Variants in SCYL1 observed in about 807,000 individuals in gnomAD.
SCYL1 encodes SCY1 like pseudokinase 1.
A neutral mutation model predicts 94.8 loss-of-function variants in SCYL1; 85 were observed. The ratio of observed to expected loss-of-function variants is 0.90; its 90% CI spans 0.75 to 1.07. The LOEUF (loss-of-function observed/expected upper bound fraction) is 1.07, where lower values mean the gene tolerates loss of function less well. Among genes scored for constraint, SCYL1 ranks in the 50% least tolerant of loss-of-function variants. SCYL1 has a pLI of 0.00. For missense variants in SCYL1, 968 were observed against 1,083.3 expected (o/e 0.89, Z 1.49); for synonymous variants, 459 against 435.5 (o/e 1.05, Z -0.67).
At position 65,526,892 on chromosome 11, in the gene SCYL1, G is replaced by A. The variant is rs932721879; in HGVS notation, c.693+19G>A. On this transcript the variant is annotated intron_variant, in intron 5 of 17. Coordinates refer to ENST00000270176, the MANE Select transcript of SCYL1 (RefSeq NM_020680.4). The surrounding 1 kb of genome is among the most constrained non-coding windows in gnomAD (Gnocchi z 4.1). Reference sequence around the variant, plus strand: ...TGGGAAGGTAAGTTTCTTGCCCCTGGCTCTTTGCCCTGCCTCAGCCCCTCT... The same window carrying A: ...TGGGAAGGTAAGTTTCTTGCCCCTGACTCTTTGCCCTGCCTCAGCCCCTCT... 6.2e-7 allele frequency: 1 copy of A among 1,612,732 alleles called. No homozygotes were observed. Among genetic ancestry groups the A allele is most frequent in the South Asian group, 1.1e-5 (1 of 91,060 alleles).
Position 65,535,924 on chromosome 11 carries a change from CAGG to C in SCYL1, c.1387-26_1387-24del, listed in dbSNP as rs761120112. On this transcript the variant is annotated intron_variant, in intron 10 of 17. Coordinates refer to ENST00000270176, the MANE Select transcript of SCYL1 (RefSeq NM_020680.4). ...TGGGTCCCAACATTGACCCTACACT[CAGG>C]AGCCCTCTTTCCTGCCCCATCGTAG... 12 of 1,542,274 alleles carry C rather than the reference CAGG, an allele frequency of 7.8e-6. No individual in the cohort carries two copies. The African/African-American group carries it at 1.6e-4, about 21-fold the overall frequency.
chr11:65,534,090 G>C (rs759687790), intron 9 of SCYL1, among the ~76,000 whole-genome samples: 7 of 152,092 alleles, frequency 4.6e-5, no homozygotes, highest in Non-Finnish European at 8.8e-5. Flanking sequence ...ATCTAGCCGG[G>C]CATGGTGGTG....
At chr11:65,531,407 G>A (rs562228011) in intron 7 of SCYL1, among the ~76,000 whole-genome samples, 169 bp from the exon 8 acceptor site, 1 of 152,222 alleles carries the variant, frequency 6.6e-6, no homozygotes, top group Admixed American at 6.5e-5. Context: ...AAAGGTTAAG[G>A]GCAAGGCTGA....
In SCYL1 at chr11:65,536,258, G is replaced by C; in HGVS notation, c.1576-1G>C. Reference sequence around the variant, plus strand: ...CCCAGCTCTGCCTCGTTACCCCACAGGCCTTCAAGGCCATTCGGAGCTTCC... The same window carrying C: ...CCCAGCTCTGCCTCGTTACCCCACACGCCTTCAAGGCCATTCGGAGCTTCC... On this transcript the variant is annotated splice_acceptor_variant, in intron 11 of 17. Coordinates refer to ENST00000270176, the MANE Select transcript of SCYL1 (RefSeq NM_020680.4). LOFTEE classifies it high-confidence loss of function. 1 of 1,613,838 alleles carries C rather than the reference G, an allele frequency of 6.2e-7. No homozygotes were observed. The highest frequency in any genetic ancestry group is 2.2e-5 in the East Asian group (1 of 44,868).
chr11:65,538,693 T>TTCTA lies in SCYL1; in HGVS notation c.*129_*132dup. 5 of 1,244,804 alleles carry TTCTA rather than the reference T, an allele frequency of 4.0e-6. No homozygotes were observed. Among genetic ancestry groups the TTCTA allele is most frequent in the Non-Finnish European group, 5.4e-6 (5 of 919,426 alleles). The allele number at this position is 1,244,804 out of a possible 1,614,324, so 77.1% of individuals were successfully genotyped here. A position where few individuals can be genotyped will look rare whatever the true frequency, so the allele number is the denominator to read the frequency against. ...TGTACATAATCAGAGCCACAATAAATTCTATTTCACACCCCTTGTGCCGGG... is the reference window on the plus strand; with the variant it reads ...TGTACATAATCAGAGCCACAATAAATTCTATCTATTTCACACCCCTTGTGCCGGG... On this transcript the variant is annotated 3_prime_UTR_variant, in exon 18 of 18. Coordinates refer to ENST00000270176, the MANE Select transcript of SCYL1 (RefSeq NM_020680.4).
chr11:65,530,579 G>A (rs1204537430), intron 6 of SCYL1, 50 bp from the exon 7 acceptor site: 3 of 1,576,782 alleles, frequency 1.9e-6, no homozygotes, highest in South Asian at 1.2e-5. Context: ...GCTGGGTTTG[G>A]GCTGCAACCA....
rs1444016519 is a variant in SCYL1 at position 65,526,886 on chromosome 11, C to T, written c.693+13C>T. On this transcript the variant is annotated intron_variant, in intron 5 of 17. Transcript: ENST00000270176. The surrounding 1 kb of genome is among the most constrained non-coding windows in gnomAD (Gnocchi z 4.1). ...CAACCCTGGGAAGGTAAGTTTCTTG[C>T]CCCTGGCTCTTTGCCCTGCCTCAGC... 7 of 1,612,792 alleles carry T rather than the reference C, an allele frequency of 4.3e-6. No individual in the cohort carries two copies.
rs1236686839 is a variant in SCYL1, at chr11:65,538,267, C to T, written c.2248-3C>T. On this transcript the variant is annotated splice_region_variant and splice_polypyrimidine_tract_variant and intron_variant, in intron 16 of 17. Coordinates refer to ENST00000270176, the MANE Select transcript of SCYL1 (RefSeq NM_020680.4). The stretch of plus-strand genomic sequence containing the variant: ...CCACTGCAGCCCACACTTCTCTTTA[C>T]AGCCGAGGCCAGACTCTTGGGGTGA... The T allele has an allele frequency of 6.4e-7, 1 of 1,553,272 alleles. No homozygotes were observed. Among genetic ancestry groups the T allele is most frequent in the Non-Finnish European group, 8.7e-7 (1 of 1,147,980 alleles).
intron 14 of SCYL1, 61 bp downstream of exon 14, chr11:65,537,189 C>T (rs1855709741): frequency 2.5e-6 from 4 of 1,589,762 alleles, no homozygotes; most frequent in African/African-American, 2.7e-5. Context: ...GGCTGCCATT[C>T]AGGGAGCTTC....
In SCYL1 at chr11:65,536,327, G is replaced by A. The variant is rs776654782; in HGVS notation, c.1644G>A (p.Glu548=). Residue 548 remains glutamate, a synonymous_variant, in exon 12 of 18, where the codon GAG becomes GAA. Transcript: ENST00000270176. ...TGTCGGAGGACCCGACCCAGCTGGA[G>A]GAAGTGGGTGAGTGGCTTACACTCG... ...ESVSEDPTQL[E]EVEKDVHAAS... 1 of 1,614,168 alleles carries A rather than the reference G, an allele frequency of 6.2e-7. No individual in the cohort carries two copies. The highest frequency in any genetic ancestry group is 1.1e-5 in the South Asian group (1 of 91,088).
chr11:65,532,815 GC>G lies in SCYL1; in HGVS notation c.1230+12del. 6.2e-7 allele frequency: 1 copy of G among 1,607,000 alleles called. No individual in the cohort carries two copies. The highest frequency in any genetic ancestry group is 8.5e-7 in the Non-Finnish European group (1 of 1,173,602). On this transcript the variant is annotated intron_variant, in intron 9 of 17. Coordinates refer to ENST00000270176, the MANE Select transcript of SCYL1 (RefSeq NM_020680.4). The stretch of plus-strand genomic sequence containing the variant: ...GGAGCAGACGGTCAAGGTGGGTGTG[GC>G]CAGGCCCAGAGTGGCTACCCCTGGT...
In SCYL1 at chr11:65,538,001, C is replaced by T. The variant is rs1330803184; in HGVS notation, c.2066C>T (p.Pro689Leu). ...TCCGACCACAAATCCTCCAAATCCCCAGAGTCCGACTGGAGCAGCTGGGAA... is the reference window on the plus strand; with the variant it reads ...TCCGACCACAAATCCTCCAAATCCCTAGAGTCCGACTGGAGCAGCTGGGAA... ...SNSDHKSSKSPESDWSSWEAE... is the reference protein window; with the variant it reads ...SNSDHKSSKSLESDWSSWEAE... Residue 689 changes from proline (P) to leucine (L), a missense_variant, in exon 16 of 18, where the codon CCA becomes CTA. Pro to Leu is a moderately conservative substitution (Grantham distance 98). Transcript: ENST00000270176. The T allele has an allele frequency of 6.2e-7, 1 of 1,612,942 alleles. No homozygotes were observed. The highest frequency in any genetic ancestry group is 1.1e-5 in the South Asian group (1 of 90,854).
rs759727682 is a variant in SCYL1, at chr11:65,538,152, C to G, written c.2217C>G (p.Phe739Leu). 3 of 1,596,402 alleles carry G rather than the reference C, an allele frequency of 1.9e-6. No individual in the cohort carries two copies. Among genetic ancestry groups the G allele is most frequent in the Admixed American group, 3.5e-5 (2 of 57,472 alleles). ...AGTCCAGCGACAAGGGCGACCCCTTCGCTACCCTGTCTGCACGTCCCAGCA... is the reference window on the plus strand; with the variant it reads ...AGTCCAGCGACAAGGGCGACCCCTTGGCTACCCTGTCTGCACGTCCCAGCA... ...GPESSDKGDP[F>L]ATLSARPSTQ... The change falls in exon 16 of 18, where the codon TTC becomes TTG. Residue 739 changes from phenylalanine (F) to leucine (L), a missense_variant. By Grantham distance (22) the Phe-to-Leu change is conservative. Coordinates refer to ENST00000270176, the MANE Select transcript of SCYL1 (RefSeq NM_020680.4).
rs1322849071 is a variant in SCYL1, at chr11:65,537,898, G to A, written c.2031+18G>A. 6.3e-7 allele frequency: 1 copy of A among 1,579,768 alleles called. No homozygotes were observed. Among genetic ancestry groups the A allele is most frequent in the Non-Finnish European group, 8.6e-7 (1 of 1,162,834 alleles). On this transcript the variant is annotated intron_variant, in intron 15 of 17. Transcript: ENST00000270176. ...CTAGTCAGGTGAGCTGGGTCTGGTG[G>A]GGAGGTGTGTGTATGGGGCTCTTTC...
At position 65,526,345 on chromosome 11, in the gene SCYL1, G is replaced by T. The variant is rs1458138115; in HGVS notation, c.597G>T (p.Glu199Asp). 1 of 1,596,882 alleles carries T rather than the reference G, an allele frequency of 6.3e-7. No individual in the cohort carries two copies. The highest frequency in any genetic ancestry group is 1.1e-5 in the South Asian group (1 of 89,714). The change falls in exon 4 of 18, where the codon GAG (glutamate) becomes GAT (aspartate). Residue 199 changes from glutamate to aspartate, a missense_variant. By Grantham distance (45) the Glu-to-Asp change is conservative. Transcript: ENST00000270176. This position sits in a 1 kb window ranked among gnomAD's most constrained non-coding sequence, Gnocchi z 4.1. The part of the protein sequence containing the change: ...LADSSGRVVR[E>D]KWSADMWRLG... ...ACAGCAGTGGCAGAGTGGTCAGAGAGAAGTGGTGGGTGACTGGGGGCAGCG... is the reference window on the plus strand; with the variant it reads ...ACAGCAGTGGCAGAGTGGTCAGAGATAAGTGGTGGGTGACTGGGGGCAGCG...
intron 6 of SCYL1, among the ~76,000 whole-genome samples, chr11:65,529,202 CG>C (rs1394064970): frequency 1.3e-5 from 2 of 152,010 alleles, no homozygotes; most frequent in African/African-American, 4.8e-5. Flanking sequence ...TGCTGTGGGG[CG>C]GGGAGGGCCT....
Position 65,537,042 on chromosome 11 carries a change from T to C in SCYL1, c.1873T>C (p.Trp625Arg), listed in dbSNP as rs1286801242. Reference sequence around the variant, plus strand: ...TGCCACCCCTACAACCTCAGGCCACTGGGAGACGCAGGAGGAGGACAAGGA... The same window carrying C: ...TGCCACCCCTACAACCTCAGGCCACCGGGAGACGCAGGAGGAGGACAAGGA... ...VPATPTTSGHWETQEEDKDTA... is the reference protein window; with the variant it reads ...VPATPTTSGHRETQEEDKDTA... The change falls in exon 14 of 18, where the codon TGG (tryptophan) becomes CGG (arginine). Residue 625 changes from tryptophan (W) to arginine (R), a missense_variant. Physicochemically the swap from Trp to Arg is moderately radical, Grantham distance 101 (BLOSUM62 -3). Transcript: ENST00000270176. The C allele has an allele frequency of 6.2e-7, 1 of 1,604,782 alleles. No homozygotes were observed. The highest frequency in any genetic ancestry group is 1.1e-5 in the South Asian group (1 of 90,882).
At chr11:65,535,724 A>G (rs1350648714) in intron 10 of SCYL1, 7 of 564,738 alleles carry the variant, frequency 1.2e-5, no homozygotes, top group South Asian at 4.9e-5. Flanking sequence ...AGCCCTGGGG[A>G]CAGCTGCTGT....
In SCYL1 at chr11:65,538,516, A is replaced by C; in HGVS notation, c.2377A>C (p.Arg793=). The change falls in exon 18 of 18, where the codon AGG becomes CGG. Residue 793 remains arginine (R), a synonymous_variant. Transcript: ENST00000270176. ...GGAGATGGAGGCCAAACGCGCCGAG[A>C]GGAAGGTGGCCAAGGGCCCCATGAA... ...RREMEAKRAE[R]KVAKGPMKLG... 1 of 1,609,876 alleles carries C rather than the reference A, an allele frequency of 6.2e-7. No individual in the cohort carries two copies. Among genetic ancestry groups the C allele is most frequent in the Middle Eastern group, 1.7e-4 (1 of 6,050 alleles).
Sources: gnomAD v4.1 joint callset for allele counts (sites outside exome capture counted in the v4.1 genomes callset) on GRCh38, gnomAD v4.1.1 for gene constraint, Gnocchi (gnomAD v3.1) non-coding constraint, MANE v1.5 for transcripts, NCBI Gene and HGNC (gene_info 2026-07-23, HGNC 2026-07-21) for gene names.